Variants in STARD13 observed in about 807,000 individuals in gnomAD.
STARD13 encodes the protein stAR-related lipid transfer protein 13.
A neutral mutation model predicts 106.4 loss-of-function variants in STARD13; 62 were observed. The observed-to-expected ratio is 0.58, with a 90% CI of 0.48 to 0.72. The LOEUF is 0.72. Among genes scored for constraint, STARD13 ranks in the 30% least tolerant of loss-of-function variants. The pLI, the probability that STARD13 is intolerant of heterozygous loss-of-function variation, is 0.00. For missense variants in STARD13, 1,387 were observed against 1,424.0 expected (o/e 0.97, Z 0.42); for synonymous variants, 565 against 553.0 (o/e 1.02, Z -0.31).
At chr13:33,632,814 CTT>C in the STARD13 span, among the ~76,000 whole-genome samples, 6 of 142,614 alleles carry the variant, frequency 4.2e-5, no homozygotes, top group Admixed American at 7.1e-5. Context: ...GTTCTATATT[CTT>C]TTTTTTTTTT....
chr13:33,224,498 G>A (rs540902209), intron 1 of STARD13, among the ~76,000 whole-genome samples: 14 of 152,296 alleles, frequency 9.2e-5, no homozygotes, highest in East Asian at 3.9e-4. Context: ...AGGACACAGC[G>A]TGATGGAGAC....
At position 33,126,209 on chromosome 13, in the gene STARD13, C is replaced by T. The variant is rs147275669; in HGVS notation, c.1954G>A (p.Val652Ile). ...ACAGCCTTGTCTTTGTAGTCGGGAA[C>T]TTTCATCCTCTTCATGAACTTTGGA... ...SVPKFMKRMKVPDYKDKAVFG... is the reference protein window; with the variant it reads ...SVPKFMKRMKIPDYKDKAVFG... The change falls in exon 7 of 14, where the codon GTT becomes ATT. Residue 652 changes from valine (V) to isoleucine (I), a missense_variant. By Grantham distance (29) the Val-to-Ile change is conservative. Coordinates refer to ENST00000336934, the MANE Select transcript of STARD13 (RefSeq NM_178006.4). The T allele has an allele frequency of 1.2e-5, 19 of 1,614,040 alleles. No individual in the cohort carries two copies. Among genetic ancestry groups the T allele is most frequent in the East Asian group, 2.2e-5 (1 of 44,896 alleles).
At chr13:33,471,657 TG>T in the STARD13 span, among the ~76,000 whole-genome samples, 1 of 151,146 alleles carries the variant, frequency 6.6e-6, no homozygotes, top group Admixed American at 6.6e-5. Context: ...TTTGGCTCCT[TG>T]GGGGAAAAAA....
At chr13:33,419,659 A>G in the STARD13 span, among the ~76,000 whole-genome samples, 1 of 152,232 alleles carries the variant, frequency 6.6e-6, no homozygotes, top group Non-Finnish European at 1.5e-5. Context: ...TAATTGTCAG[A>G]TTCACCAAGG....
chr13:33,365,503 C>G, the STARD13 span, among the ~76,000 whole-genome samples: 1 of 152,140 alleles, frequency 6.6e-6, no homozygotes, highest in Admixed American at 6.5e-5. Context: ...GGGAGCCCTG[C>G]CAGGGAAGGT....
intron 1 of STARD13, among the ~76,000 whole-genome samples, chr13:33,268,826 A>G (rs1340074529): frequency 6.6e-6 from 1 of 152,252 alleles, no homozygotes; most frequent in East Asian, 1.9e-4. Context: ...ATTAGCATCA[A>G]TCACAAAACA....
the STARD13 span, among the ~76,000 whole-genome samples, chr13:33,427,088 T>A: frequency 6.6e-6 from 1 of 152,242 alleles, no homozygotes. Flanking sequence ...ATTGATCATG[T>A]GCAGGCATCA....
At chr13:33,140,777 T>C (rs963733184) in intron 4 of STARD13, among the ~76,000 whole-genome samples, 4 of 151,740 alleles carry the variant, frequency 2.6e-5, no homozygotes, top group Non-Finnish European at 4.4e-5. Context: ...TTTTTTTTTT[T>C]TTTGAGGCGG....
At chr13:33,307,548 C>A (rs1319159590) in intron 1 of STARD13, among the ~76,000 whole-genome samples, 1 of 152,106 alleles carries the variant, frequency 6.6e-6, no homozygotes, top group African/African-American at 2.4e-5. Context: ...CCTCAGCAAA[C>A]TAATGCAGGA....
chr13:33,255,140 AG>A (rs1158634750), intron 1 of STARD13, among the ~76,000 whole-genome samples: 1 of 151,136 alleles, frequency 6.6e-6, no homozygotes, highest in African/African-American at 2.4e-5. Flanking sequence ...GAGACCGAGC[AG>A]GTGAGCCACA....
chr13:33,422,757 A>G, the STARD13 span, among the ~76,000 whole-genome samples: 1 of 152,160 alleles, frequency 6.6e-6, no homozygotes, highest in Non-Finnish European at 1.5e-5. Flanking sequence ...ATATAGACCA[A>G]TGGAACAGAA....
the STARD13 span, among the ~76,000 whole-genome samples, chr13:33,462,587 C>T: frequency 5.3e-5 from 8 of 152,230 alleles, no homozygotes; most frequent in Non-Finnish European, 7.3e-5. Context: ...GCACAGCCTT[C>T]AGTCTGTGGC....
the STARD13 span, among the ~76,000 whole-genome samples, chr13:33,593,467 G>A: frequency 1.3e-5 from 2 of 152,116 alleles, no homozygotes; most frequent in Admixed American, 6.5e-5. Context: ...ACAGGCATGA[G>A]CCACCGTGCC....
downstream of STARD13, among the ~76,000 whole-genome samples, chr13:33,348,186 C>A (rs906344278): frequency 6.6e-6 from 1 of 152,160 alleles, no homozygotes; most frequent in Non-Finnish European, 1.5e-5. Flanking sequence ...CATTTTCAAA[C>A]CTCATACCGC....
chr13:33,479,485 A>G, the STARD13 span, among the ~76,000 whole-genome samples: 1 of 152,256 alleles, frequency 6.6e-6, no homozygotes, highest in African/African-American at 2.4e-5. Flanking sequence ...ATGTCAGCAA[A>G]GGACTGCTTG....
the STARD13 span, among the ~76,000 whole-genome samples, chr13:33,655,427 T>C: frequency 6.6e-6 from 1 of 152,184 alleles, no homozygotes; most frequent in Non-Finnish European, 1.5e-5. Flanking sequence ...GAGAGGCAAG[T>C]CCATAATAAA....
chr13:33,484,349 T>C, the STARD13 span, among the ~76,000 whole-genome samples: 241 of 152,342 alleles, frequency 1.6e-3, no homozygotes, highest in African/African-American at 5.4e-3. Context: ...GGAGGTCACA[T>C]GATTTGTAAC....
chr13:33,499,970 TCTTGAACTCCTGGC>T, the STARD13 span, among the ~76,000 whole-genome samples: 1 of 151,786 alleles, frequency 6.6e-6, no homozygotes, highest in Non-Finnish European at 1.5e-5. Context: ...CCTAGGCTGG[TCTTGAACTCCTGGC>T]CTAAAGCAAT....
the STARD13 span, among the ~76,000 whole-genome samples, chr13:33,556,328 C>T: frequency 6.6e-6 from 1 of 152,110 alleles, no homozygotes; most frequent in Non-Finnish European, 1.5e-5. Flanking sequence ...GTCACTCAGG[C>T]TGGAGTGCAG....
Sources: gnomAD v4.1 joint callset for allele counts (sites outside exome capture counted in the v4.1 genomes callset) on GRCh38, gnomAD v4.1.1 for gene constraint, MANE v1.5 for transcripts, NCBI Gene and HGNC (gene_info 2026-07-23, HGNC 2026-07-21) for gene names.